The following PITPNC1 variants were observed in gnomAD, a reference collection of about 807,000 sequenced individuals.
PITPNC1 encodes phosphatidylinositol transfer protein cytoplasmic 1.
A neutral mutation model predicts 44.7 loss-of-function variants in PITPNC1; 18 were observed. That is an observed-to-expected ratio of 0.40 (90% CI 0.28 to 0.60). PITPNC1 has a LOEUF of 0.60. Among genes scored for constraint, PITPNC1 ranks in the 20% least tolerant of loss-of-function variants. The pLI is 0.39. For missense variants in PITPNC1, 290 were observed against 418.4 expected (o/e 0.69, Z 2.68); for synonymous variants, 141 against 149.6 (o/e 0.94, Z 0.42).
chr17:67,601,286 T>G (rs1265767747), intron 5 of PITPNC1, among the ~76,000 whole-genome samples: 1 of 152,186 alleles, frequency 6.6e-6, no homozygotes, highest in Non-Finnish European at 1.5e-5. Flanking sequence ...GGACTTCTCA[T>G]TAGCAACAGC....
intron 1 of PITPNC1, among the ~76,000 whole-genome samples, chr17:67,522,788 G>A (rs919713067): frequency 1.3e-5 from 2 of 150,696 alleles, no homozygotes; most frequent in Admixed American, 6.7e-5. Flanking sequence ...TCAGCCTCCC[G>A]AGTAGCTGGG....
Position 67,532,844 on chromosome 17 carries a change from G to C in PITPNC1, c.91G>C (p.Glu31Gln). 6.3e-7 allele frequency: 1 copy of C among 1,586,842 alleles called. No individual in the cohort carries two copies. Among genetic ancestry groups the C allele is most frequent in the African/African-American group, 1.3e-5 (1 of 74,446 alleles). Residue 31 changes from glutamate to glutamine, a missense_variant, in exon 2 of 9, where the codon GAA (glutamate) becomes CAA (glutamine). Transcript: ENST00000581322. ...GTACATGATCAGCAAACACAGCCAT[G>C]AACAGAGTGACCGGGGAGAAGGGGT... ...QLYMISKHSH[E>Q]QSDRGEGVEV...
intron 1 of PITPNC1, among the ~76,000 whole-genome samples, chr17:67,454,846 G>T (rs1454868715): frequency 1.4e-5 from 2 of 143,736 alleles, no homozygotes; most frequent in African/African-American, 5.2e-5. Flanking sequence ...TTGAGTCAGG[G>T]TCTCACTGTG....
At chr17:67,440,994 A>G (rs2039004656) in intron 1 of PITPNC1, among the ~76,000 whole-genome samples, 1 of 152,138 alleles carries the variant, frequency 6.6e-6, no homozygotes, top group African/African-American at 2.4e-5. Flanking sequence ...AGGCGATGCA[A>G]CCAGGTAGTA....
intron 1 of PITPNC1, among the ~76,000 whole-genome samples, chr17:67,456,410 T>G (rs907141907): frequency 9.8e-5 from 15 of 152,360 alleles, no homozygotes; most frequent in African/African-American, 3.6e-4. Flanking sequence ...TATTTCAGTC[T>G]GTTTGCATTT....
intron 5 of PITPNC1, among the ~76,000 whole-genome samples, chr17:67,606,514 G>A (rs1382265094): frequency 1.3e-5 from 2 of 152,374 alleles, no homozygotes; most frequent in South Asian, 2.1e-4. Context: ...GTTTGCAGAT[G>A]CAGGCCTGAG....
intron 6 of PITPNC1, among the ~76,000 whole-genome samples, chr17:67,661,625 GT>G (rs753140287): frequency 2.0e-5 from 3 of 152,174 alleles, no homozygotes; most frequent in Non-Finnish European, 2.9e-5. Flanking sequence ...GCAAAGAAAT[GT>G]GGTCAAGGTG....
chr17:67,678,499 C>G (rs2042644667), intron 8 of PITPNC1, among the ~76,000 whole-genome samples: 1 of 152,186 alleles, frequency 6.6e-6, no homozygotes, highest in African/African-American at 2.4e-5. Flanking sequence ...ACTGACATAG[C>G]CCCAGCCAAA....
At chr17:67,596,101 C>T (rs557531922) in intron 5 of PITPNC1, among the ~76,000 whole-genome samples, 11 of 152,134 alleles carry the variant, frequency 7.2e-5, no homozygotes, top group Admixed American at 2.0e-4. Context: ...TTGTTATGAA[C>T]TCAACATCAC....
chr17:67,656,270 G>A (rs957232347), intron 6 of PITPNC1, among the ~76,000 whole-genome samples: 1 of 152,156 alleles, frequency 6.6e-6, no homozygotes, highest in Non-Finnish European at 1.5e-5. Context: ...GAGATTTCGA[G>A]GCTCTAGGGG....
At chr17:67,516,238 G>A (rs560438269) in intron 1 of PITPNC1, among the ~76,000 whole-genome samples, 1 of 152,288 alleles carries the variant, frequency 6.6e-6, no homozygotes, top group East Asian at 1.9e-4. Flanking sequence ...CATCCACCTA[G>A]CCTTTTTATC....
intron 1 of PITPNC1, among the ~76,000 whole-genome samples, chr17:67,397,227 C>T (rs552776521): frequency 7.2e-5 from 11 of 152,056 alleles, no homozygotes; most frequent in African/African-American, 1.2e-4. Context: ...GTAATCCACC[C>T]GCCTCGGCCT....
intron 1 of PITPNC1, among the ~76,000 whole-genome samples, chr17:67,505,632 C>T (rs567379185): frequency 6.6e-6 from 1 of 152,242 alleles, no homozygotes; most frequent in East Asian, 1.9e-4. Context: ...CTCCTATAGA[C>T]AGCATATAGT....
Position 67,382,461 on chromosome 17 carries a change from C to T in PITPNC1, c.48+4259C>T, listed in dbSNP as rs1480536825. Among the ~76,000 whole-genome samples, 8 of 151,962 alleles carry T rather than the reference C, an allele frequency of 5.3e-5. No homozygotes were observed. The East Asian group carries it at 7.7e-4, about 15-fold the overall frequency. ...AAAACATTTCATTGGAATAGTCCCTCGTTTGTGTTAAATGTGGTGGTCTCT... is the reference window on the plus strand; with the variant it reads ...AAAACATTTCATTGGAATAGTCCCTTGTTTGTGTTAAATGTGGTGGTCTCT... On this transcript the variant is annotated intron_variant, in intron 1 of 8. Transcript: ENST00000581322.
intron 1 of PITPNC1, chr17:67,459,694 A>C (rs2039308583): frequency 6.6e-6 from 1 of 152,180 alleles, no homozygotes; most frequent in Non-Finnish European, 1.5e-5. Context: ...TCTGGACATC[A>C]AGGTTCTCCG....
At chr17:67,633,735 T>C (rs566174628) in intron 6 of PITPNC1, among the ~76,000 whole-genome samples, 2 of 152,264 alleles carry the variant, frequency 1.3e-5, no homozygotes, top group Non-Finnish European at 1.5e-5. Flanking sequence ...AGTCCGCCAG[T>C]GCTTAATGGG....
At chr17:67,651,834 G>T (rs975053858) in intron 6 of PITPNC1, among the ~76,000 whole-genome samples, 1 of 152,172 alleles carries the variant, frequency 6.6e-6, no homozygotes, top group African/African-American at 2.4e-5. Context: ...TGCTTTGAAA[G>T]CTCCTTGGTT....
intron 1 of PITPNC1, among the ~76,000 whole-genome samples, chr17:67,456,523 A>C (rs1020822456): frequency 6.6e-6 from 1 of 151,864 alleles, no homozygotes; most frequent in African/African-American, 2.4e-5. Flanking sequence ...TACTGAATTG[A>C]GTTTTACCAG....
At chr17:67,443,223 T>C (rs947631150) in intron 1 of PITPNC1, among the ~76,000 whole-genome samples, 5 of 152,078 alleles carry the variant, frequency 3.3e-5, no homozygotes, top group Admixed American at 2.0e-4. Flanking sequence ...CCTTTGTCCA[T>C]GCTCTGCTGT....
Sources: gnomAD v4.1 joint callset for allele counts (sites outside exome capture counted in the v4.1 genomes callset) on GRCh38, gnomAD v4.1.1 for gene constraint, MANE v1.5 for transcripts, NCBI Gene and HGNC (gene_info 2026-07-23, HGNC 2026-07-21) for gene names.